Variants in LRRTM4 observed in about 807,000 individuals in gnomAD.
The protein encoded by LRRTM4 is leucine rich repeat transmembrane neuronal 4.
Under a neutral mutation model 47.6 loss-of-function variants are expected in LRRTM4, and 25 were observed. That is an observed-to-expected ratio of 0.53 (90% CI 0.38 to 0.73). LRRTM4 has a LOEUF of 0.73. Ranked by LOEUF, LRRTM4 falls within the 30% of genes least tolerant of loss-of-function variation. The pLI is 0.00. For synonymous variants in LRRTM4, 311 were observed against 269.5 expected (o/e 1.15, Z -1.51); for missense variants, 638 against 713.4 (o/e 0.89, Z 1.20).
intron 3 of LRRTM4, among the ~76,000 whole-genome samples, chr2:77,085,372 C>A (rs1211039684): frequency 1.4e-5 from 2 of 144,670 alleles, no homozygotes; most frequent in Non-Finnish European, 3.0e-5. Context: ...AACTGGCAAT[C>A]CCTCACTTTT....
At chr2:77,367,567 T>G (rs1175390569) in intron 3 of LRRTM4, among the ~76,000 whole-genome samples, 2 of 151,898 alleles carry the variant, frequency 1.3e-5, no homozygotes, top group Admixed American at 1.3e-4. Context: ...CAATTCCCTT[T>G]ACTCTTGGAA....
chr2:77,034,437 A>G (rs1678767789), intron 3 of LRRTM4, among the ~76,000 whole-genome samples: 1 of 151,918 alleles, frequency 6.6e-6, no homozygotes, highest in South Asian at 2.1e-4. Context: ...TCCTAGACAT[A>G]AATAGTTTAA....
In LRRTM4 at chr2:76,790,786, TA is replaced by T. The variant is rs1393808909; in HGVS notation, c.1552-41871del. 5.3e-5 allele frequency among the ~76,000 whole-genome samples: 8 copies of T among 152,164 alleles called. No homozygotes were observed. The South Asian group carries it at 1.5e-3, about 28-fold the overall frequency. ...AAATCTACTCTTTGATCAAATTTGA[TA>T]TAATTTCACTGTTTCTGCCATAGAA... is the stretch of plus-strand genomic sequence containing the variant. On this transcript the variant is annotated intron_variant, in intron 3 of 3. Transcript: ENST00000409884.
At chr2:77,481,097 G>C (rs1007066978) in intron 3 of LRRTM4, among the ~76,000 whole-genome samples, 2 of 152,066 alleles carry the variant, frequency 1.3e-5, no homozygotes, top group Non-Finnish European at 2.9e-5. Flanking sequence ...TATTCACCCA[G>C]TCCTTACCTG....
Position 76,989,485 on chromosome 2 carries a change from A to G in LRRTM4, c.1552-240569T>C, listed in dbSNP as rs1676926000. ...AACAAAGATTGCATATGTTGGATAT[A>G]GTACCAAAAAGGATACTTTTGTTAG... On this transcript the variant is annotated intron_variant, in intron 3 of 3. Coordinates refer to ENST00000409884, the MANE Select transcript of LRRTM4 (RefSeq NM_001134745.3). 2.6e-5 allele frequency among the ~76,000 whole-genome samples: 4 copies of G among 151,922 alleles called. No individual in the cohort carries two copies. In the Admixed American group the frequency reaches 2.6e-4, roughly 10 times the overall value.
At chr2:77,382,509 G>T (rs1673101291) in intron 3 of LRRTM4, among the ~76,000 whole-genome samples, 1 of 151,960 alleles carries the variant, frequency 6.6e-6, no homozygotes, top group Non-Finnish European at 1.5e-5. Context: ...GTCATTCTGG[G>T]GTAGACACCC....
At chr2:77,408,390 A>G (rs532285940) in intron 3 of LRRTM4, among the ~76,000 whole-genome samples, 1 of 152,322 alleles carries the variant, frequency 6.6e-6, no homozygotes, top group Admixed American at 6.5e-5. Flanking sequence ...TTTAGAGACA[A>G]AAGTGAATTT....
intron 3 of LRRTM4, among the ~76,000 whole-genome samples, chr2:77,315,986 C>T (rs535981763): frequency 1.3e-5 from 2 of 152,292 alleles, no homozygotes; most frequent in Admixed American, 1.3e-4. Flanking sequence ...TATCCTGGTT[C>T]TTAAAAACTC....
At chr2:77,104,243 C>A (rs1456661301) in intron 3 of LRRTM4, among the ~76,000 whole-genome samples, 4 of 152,178 alleles carry the variant, frequency 2.6e-5, no homozygotes, top group Non-Finnish European at 5.9e-5. Context: ...TCCTCCACCT[C>A]TGCCTCAATG....
At chr2:76,792,533 A>G (rs1254482523) in intron 3 of LRRTM4, among the ~76,000 whole-genome samples, 1 of 152,034 alleles carries the variant, frequency 6.6e-6, no homozygotes, top group African/African-American at 2.4e-5. Context: ...ATCACATTCA[A>G]TCATATACTG....
rs565917161 is a variant in LRRTM4, at chr2:76,838,174, A to G, written c.1552-89258T>C. ...GTACTATTTATATAAACAAGTCTCA[A>G]AAGTCTCATTAAAGTCAAGAAATTA... is the stretch of plus-strand genomic sequence containing the variant. On this transcript the variant is annotated intron_variant, in intron 3 of 3. Coordinates refer to ENST00000409884, the MANE Select transcript of LRRTM4 (RefSeq NM_001134745.3). 1.6e-4 allele frequency among the ~76,000 whole-genome samples: 24 copies of G among 152,100 alleles called. No homozygotes were observed. In the South Asian group the frequency reaches 5.0e-3, roughly 32 times the overall value.
At chr2:77,515,749 C>A (rs930259827) in intron 3 of LRRTM4, among the ~76,000 whole-genome samples, 1 of 151,752 alleles carries the variant, frequency 6.6e-6, no homozygotes. Flanking sequence ...TAAAGTTGGG[C>A]AAATCGCTGC....
intron 3 of LRRTM4, among the ~76,000 whole-genome samples, chr2:77,111,545 A>G (rs920866426): frequency 6.6e-6 from 1 of 152,104 alleles, no homozygotes. Context: ...TTTAAATTGC[A>G]CACTGTTATG....
intron 3 of LRRTM4, among the ~76,000 whole-genome samples, chr2:77,379,111 T>A (rs1672951049): frequency 6.6e-6 from 1 of 152,152 alleles, no homozygotes. Context: ...GTGATATGTA[T>A]AATATATTCA....
chr2:76,773,955 A>G (rs1188202551), intron 3 of LRRTM4, among the ~76,000 whole-genome samples: 1 of 152,060 alleles, frequency 6.6e-6, no homozygotes, highest in Non-Finnish European at 1.5e-5. Flanking sequence ...TGAGATAATT[A>G]TAGCTGTTTG....
intron 3 of LRRTM4, among the ~76,000 whole-genome samples, chr2:77,207,269 CAT>C (rs1284256457): frequency 6.9e-6 from 1 of 144,006 alleles, no homozygotes; most frequent in African/African-American, 2.6e-5. Flanking sequence ...ATGAAGTACA[CAT>C]ATATGTATAT....
chr2:76,748,694 G>T lies in LRRTM4; in HGVS notation c.*1C>A, dbSNP rs771603918. On this transcript the variant is annotated 3_prime_UTR_variant, in exon 4 of 4. Coordinates refer to ENST00000409884, the MANE Select transcript of LRRTM4 (RefSeq NM_001134745.3). ...TCCCCAGTGAGGAGTTGGCTTCAGC[G>T]TTAGTTTGCAATTCTCTCTAGGTAG... 2.5e-6 allele frequency: 4 copies of T among 1,611,084 alleles called. No individual in the cohort carries two copies. The highest frequency in any genetic ancestry group is 2.7e-5 in the African/African-American group (2 of 74,936).
intron 3 of LRRTM4, among the ~76,000 whole-genome samples, chr2:76,783,405 C>A (rs539713717): frequency 2.0e-5 from 3 of 151,740 alleles, no homozygotes; most frequent in Admixed American, 6.6e-5. Flanking sequence ...ATAAAATGTA[C>A]CATTTTAATC....
chr2:77,016,279 G>A (rs1174239146), intron 3 of LRRTM4, among the ~76,000 whole-genome samples: 1 of 151,202 alleles, frequency 6.6e-6, no homozygotes, highest in Non-Finnish European at 1.5e-5. Flanking sequence ...CCAGCTACTT[G>A]GGAGGCTGAG....
Sources: allele counts gnomAD v4.1 joint callset (sites outside exome capture counted in the v4.1 genomes callset), GRCh38; gene constraint gnomAD v4.1.1; transcripts MANE v1.5; gene names NCBI Gene and HGNC (gene_info 2026-07-23, HGNC 2026-07-21).